Variants in UTRN observed in about 807,000 individuals in gnomAD.
UTRN encodes the protein dystrophin-related protein 1.
UTRN carries 283 observed loss-of-function variants against 463.9 expected under a neutral mutation model. The observed-to-expected ratio is 0.61, with a 90% CI of 0.55 to 0.67. The LOEUF is 0.67. Ranked by LOEUF, UTRN falls within the 30% of genes least tolerant of loss-of-function variation. The probability of loss-of-function intolerance (pLI) is 0.00; values close to 1 mark genes in which losing one functional copy is unlikely to be tolerated. For synonymous variants in UTRN, 1,442 were observed against 1,431.5 expected (o/e 1.01, Z -0.17); for missense variants, 3,922 against 4,084.3 (o/e 0.96, Z 1.08).
chr6:144,561,260 T>TACAC (rs202040917), intron 50 of UTRN, among the ~76,000 whole-genome samples: 21 of 72,832 alleles, frequency 2.9e-4, no homozygotes, highest in African/African-American at 7.4e-4. Context: ...TATATATATA[T>TACAC]ACATACACAC....
At chr6:144,737,041 C>G (rs962529778) in intron 54 of UTRN, among the ~76,000 whole-genome samples, 2 of 152,186 alleles carry the variant, frequency 1.3e-5, no homozygotes, top group Non-Finnish European at 2.9e-5. Context: ...CCTGTGGTCT[C>G]TCTCACTGTG....
chr6:144,421,189 T>G (rs1403772285), intron 3 of UTRN, among the ~76,000 whole-genome samples: 1 of 152,112 alleles, frequency 6.6e-6, no homozygotes, highest in Non-Finnish European at 1.5e-5. Context: ...GTATTTTTAC[T>G]AGAGATGAGG....
Position 144,545,817 on chromosome 6 carries a change from C to T in UTRN, c.6596-2823C>T, listed in dbSNP as rs572555028. 1.8e-3 allele frequency among the ~76,000 whole-genome samples: 272 copies of T among 152,210 alleles called. 1 individual carries two copies. The highest frequency in any genetic ancestry group is 6.4e-3 in the African/African-American group (264 of 41,534). The stretch of plus-strand genomic sequence containing the variant: ...GGTGGATCACCTGAGGTCAGGAGTT[C>T]GAGACCAGCCTGGCCAACATGGTGA... On this transcript the variant is annotated intron_variant, in intron 46 of 74. Transcript: ENST00000367545.
chr6:144,421,883 G>A lies in UTRN; in HGVS notation c.147G>A (p.Gly49=). 7 of 1,610,772 alleles carry A rather than the reference G, an allele frequency of 4.3e-6. No individual in the cohort carries two copies. Among genetic ancestry groups the A allele is most frequent in the Non-Finnish European group, 5.9e-6 (7 of 1,178,526 alleles). ...KWINARFSKS[G]KPPINDMFTD... ...TTTGTGTTTTTCTTTTACAGAGTGGGAAACCACCCATCAATGATATGTTCA... is the reference window on the plus strand; with the variant it reads ...TTTGTGTTTTTCTTTTACAGAGTGGAAAACCACCCATCAATGATATGTTCA... Residue 49 remains glycine, a synonymous_variant, in exon 4 of 75, where the codon GGG becomes GGA. Coordinates refer to ENST00000367545, the MANE Select transcript of UTRN (RefSeq NM_007124.3).
rs141330282 is a variant in UTRN, at chr6:144,649,762, A to G, written c.7480-28644A>G. On this transcript the variant is annotated intron_variant, in intron 51 of 74. Coordinates refer to ENST00000367545, the MANE Select transcript of UTRN (RefSeq NM_007124.3). ...AAGTGTTCTAAAAACTGTCATATTT[A>G]TTTTTTATTTTAAATTAGCTACTAG... is the stretch of plus-strand genomic sequence containing the variant. 4.4e-3 allele frequency among the ~76,000 whole-genome samples: 673 copies of G among 152,220 alleles called. 4 individuals are homozygous for G. Among genetic ancestry groups the G allele is most frequent in the Non-Finnish European group, 5.6e-3 (384 of 68,016 alleles).
At chr6:144,758,495 T>G (rs970939132) in intron 58 of UTRN, among the ~76,000 whole-genome samples, 2 of 152,142 alleles carry the variant, frequency 1.3e-5, no homozygotes, top group Admixed American at 1.3e-4. Flanking sequence ...AAGTGAAATA[T>G]TGTCAAGTTT....
chr6:144,532,302 A>C (rs1248062591), intron 42 of UTRN, among the ~76,000 whole-genome samples: 1 of 152,230 alleles, frequency 6.6e-6, no homozygotes, highest in Non-Finnish European at 1.5e-5. Flanking sequence ...GACATACCTG[A>C]GACTGGGTAA....
At chr6:144,403,845 G>A (rs143816145) in intron 3 of UTRN, among the ~76,000 whole-genome samples, 1 of 152,296 alleles carries the variant, frequency 6.6e-6, no homozygotes, top group Non-Finnish European at 1.5e-5. Context: ...GGAATTTTGT[G>A]CACTAAGCCT....
rs758123309 is a variant in UTRN at position 144,291,910 on chromosome 6, A to G, written c.79+3A>G. 1.9e-6 allele frequency: 3 copies of G among 1,605,078 alleles called. No homozygotes were observed. Among genetic ancestry groups the G allele is most frequent in the Non-Finnish European group, 2.6e-6 (3 of 1,176,154 alleles). On this transcript the variant is annotated splice_donor_region_variant and intron_variant, in intron 2 of 74. Transcript: ENST00000367545. The stretch of plus-strand genomic sequence containing the variant: ...TGATATCATTAAGTCCAGATCTGGT[A>G]GGTAAAGGAAGCTCAAGAAAGCTAT...
intron 58 of UTRN, among the ~76,000 whole-genome samples, chr6:144,761,570 C>T (rs1000696433): frequency 6.6e-6 from 1 of 151,858 alleles, no homozygotes; most frequent in Admixed American, 6.6e-5. Context: ...CACTTGAGCC[C>T]GGGAGGTCAA....
chr6:144,548,581 C>T, intron 46 of UTRN, 59 bp from the exon 47 acceptor site: 2 of 1,519,732 alleles, frequency 1.3e-6, no homozygotes, highest in Non-Finnish European at 1.8e-6. Flanking sequence ...CACCATGACA[C>T]CACCATAATT....
chr6:144,512,897 A>G (rs1408953980), intron 35 of UTRN, among the ~76,000 whole-genome samples: 1 of 152,148 alleles, frequency 6.6e-6, no homozygotes, highest in African/African-American at 2.4e-5. Context: ...CTTTCTTTGT[A>G]AAAACTTTTA....
chr6:144,778,631 A>G (rs1775548041), intron 60 of UTRN, among the ~76,000 whole-genome samples: 1 of 151,214 alleles, frequency 6.6e-6, no homozygotes. Context: ...TAATAATAAT[A>G]AAATAAAAAA....
intron 51 of UTRN, among the ~76,000 whole-genome samples, chr6:144,661,905 A>G (rs1779905987): frequency 2.0e-5 from 3 of 152,094 alleles, no homozygotes; most frequent in African/African-American, 7.2e-5. Flanking sequence ...ATGTCTTAGT[A>G]TTTGTCTTAT....
In UTRN at chr6:144,517,987, C is replaced by T. The variant is rs1374392457; in HGVS notation, c.5541+1039C>T. On this transcript the variant is annotated intron_variant, in intron 39 of 74. Transcript: ENST00000367545. ...CTATTTCTTGTTCCTCACATATCTT[C>T]TCACATCACACTGAGTAGGCATTAA... Among the ~76,000 whole-genome samples, 5 of 152,336 alleles carry T rather than the reference C, an allele frequency of 3.3e-5. No individual in the cohort carries two copies. The East Asian group carries it at 9.6e-4, about 29-fold the overall frequency.
intron 62 of UTRN, among the ~76,000 whole-genome samples, chr6:144,792,852 G>T (rs191626368): frequency 6.6e-6 from 1 of 152,068 alleles, no homozygotes; most frequent in Non-Finnish European, 1.5e-5. Flanking sequence ...GATCTTCAAA[G>T]TATTGTATAT....
At position 144,846,766 on chromosome 6, in the gene UTRN, G is replaced by A. The variant is rs527692650; in HGVS notation, c.10271-39G>A. On this transcript the variant is annotated intron_variant, in intron 73 of 74. Transcript: ENST00000367545. The stretch of plus-strand genomic sequence containing the variant: ...GAGAGTTGGAACCAACAAAGTAACA[G>A]GACTGCCATTAAGTGATTTCTTTTG... 21 of 1,613,890 alleles carry A rather than the reference G, an allele frequency of 1.3e-5. No individual in the cohort carries two copies. The South Asian group carries it at 2.3e-4, about 18-fold the overall frequency.
chr6:144,843,373 C>T (rs1165842945), intron 73 of UTRN, among the ~76,000 whole-genome samples: 1 of 151,934 alleles, frequency 6.6e-6, no homozygotes, highest in Non-Finnish European at 1.5e-5. Flanking sequence ...AGAATTTACT[C>T]TTAAATTTTT....
chr6:144,593,736 C>G (rs1171176117), intron 51 of UTRN, among the ~76,000 whole-genome samples: 1 of 152,134 alleles, frequency 6.6e-6, no homozygotes, highest in Non-Finnish European at 1.5e-5. Flanking sequence ...ACTTGTCCAT[C>G]ATAAATGTCT....
Sources: gnomAD v4.1 joint callset for allele counts (sites outside exome capture counted in the v4.1 genomes callset) on GRCh38, gnomAD v4.1.1 for gene constraint, MANE v1.5 for transcripts, NCBI Gene and HGNC (gene_info 2026-07-23, HGNC 2026-07-21) for gene names.